The following CDH18 variants were observed in gnomAD, a reference collection of about 807,000 sequenced individuals.
The protein encoded by CDH18 is cadherin 18, also known as cadherin-18.
A neutral mutation model predicts 67.9 loss-of-function variants in CDH18; 31 were observed. The ratio of observed to expected loss-of-function variants is 0.46; its 90% CI spans 0.34 to 0.62. The LOEUF is 0.62. CDH18 is among the 20% of genes least tolerant of loss of function. The probability of loss-of-function intolerance (pLI) is 0.01; values close to 1 mark genes in which losing one functional copy is unlikely to be tolerated. For synonymous variants in CDH18, 362 were observed against 347.2 expected (o/e 1.04, Z -0.48); for missense variants, 890 against 975.5 (o/e 0.91, Z 1.17).
At chr5:20,009,106 G>A (rs1391997985) in intron 2 of CDH18, among the ~76,000 whole-genome samples, 2 of 152,058 alleles carry the variant, frequency 1.3e-5, no homozygotes, top group Non-Finnish European at 2.9e-5. Context: ...CTTGATAATA[G>A]AATGAAATTT....
chr5:19,833,365 G>A (rs1446172360), intron 3 of CDH18, among the ~76,000 whole-genome samples: 2 of 152,032 alleles, frequency 1.3e-5, no homozygotes, highest in Non-Finnish European at 1.5e-5. Context: ...TTTGCATATC[G>A]ATTTTGTATC....
chr5:19,832,118 AG>A (rs1781104402), intron 3 of CDH18, among the ~76,000 whole-genome samples: 1 of 152,068 alleles, frequency 6.6e-6, no homozygotes, highest in Non-Finnish European at 1.5e-5. Flanking sequence ...TGAAGTAGAA[AG>A]GGGAGGAAGG....
chr5:19,620,199 G>C (rs1385875624), intron 5 of CDH18, among the ~76,000 whole-genome samples: 1 of 152,174 alleles, frequency 6.6e-6, no homozygotes. Context: ...TGGTGAAGTA[G>C]TTTATTTCTG....
intron 1 of CDH18, among the ~76,000 whole-genome samples, chr5:20,392,548 T>C (rs778959539): frequency 6.6e-6 from 1 of 151,892 alleles, no homozygotes; most frequent in Non-Finnish European, 1.5e-5. Flanking sequence ...GAAGAGACAG[T>C]GAATATTATT....
At chr5:19,821,183 A>G (rs900159852) in intron 3 of CDH18, among the ~76,000 whole-genome samples, 1 of 152,148 alleles carries the variant, frequency 6.6e-6, no homozygotes, top group Non-Finnish European at 1.5e-5. Context: ...GAGAAAGTTG[A>G]AACCCAATCC....
intron 5 of CDH18, among the ~76,000 whole-genome samples, chr5:19,684,759 T>C (rs1192351964): frequency 1.3e-5 from 2 of 152,032 alleles, no homozygotes; most frequent in Admixed American, 6.6e-5. Flanking sequence ...GAATATTGCC[T>C]TAAAGAATAA....
intron 1 of CDH18, among the ~76,000 whole-genome samples, chr5:20,351,570 T>C (rs1741188013): frequency 7.6e-6 from 1 of 130,822 alleles, no homozygotes; most frequent in African/African-American, 2.9e-5. Flanking sequence ...CCATACAGTA[T>C]CACCATGTAA....
intron 2 of CDH18, among the ~76,000 whole-genome samples, chr5:19,905,139 T>G (rs1394385173): frequency 6.6e-6 from 1 of 152,086 alleles, no homozygotes; most frequent in Non-Finnish European, 1.5e-5. Context: ...AAAATGAAGT[T>G]CAAGCATTCC....
chr5:20,511,154 G>A (rs993139328), intron 1 of CDH18, among the ~76,000 whole-genome samples: 1 of 151,946 alleles, frequency 6.6e-6, no homozygotes, highest in African/African-American at 2.4e-5. Flanking sequence ...ACATTAAAAA[G>A]AATTTGCATG....
rs137924234 is a variant in CDH18, at chr5:19,878,426, G to A, written c.-256-39184C>T. ...ACACAAACAATTGTTAGGAACTTAGGCAATAGATCTTTTCATGCTGCCCTG... is the reference window on the plus strand; with the variant it reads ...ACACAAACAATTGTTAGGAACTTAGACAATAGATCTTTTCATGCTGCCCTG... On this transcript the variant is annotated intron_variant, in intron 2 of 12. Coordinates refer to ENST00000382275, the MANE Select transcript of CDH18 (RefSeq NM_004934.5). 6.7e-4 allele frequency among the ~76,000 whole-genome samples: 102 copies of A among 152,176 alleles called. 2 individuals carry two copies. Among genetic ancestry groups the A allele is most frequent in the Middle Eastern group, 3.4e-3 (1 of 294 alleles).
At chr5:19,702,983 C>T (rs1242994512) in intron 5 of CDH18, among the ~76,000 whole-genome samples, 1 of 152,168 alleles carries the variant, frequency 6.6e-6, no homozygotes, top group African/African-American at 2.4e-5. Context: ...CCTTTGTTTC[C>T]TGTTTTAGTT....
At chr5:20,206,649 C>T (rs1739914552) in intron 2 of CDH18, among the ~76,000 whole-genome samples, 1 of 151,598 alleles carries the variant, frequency 6.6e-6, no homozygotes, top group African/African-American at 2.4e-5. Flanking sequence ...GGGGTTCATC[C>T]CAGGATAAGT....
intron 3 of CDH18, among the ~76,000 whole-genome samples, chr5:19,828,233 G>A (rs1780622366): frequency 6.6e-6 from 1 of 151,988 alleles, no homozygotes; most frequent in South Asian, 2.1e-4. Context: ...AGTAATAAGA[G>A]TCTTACCAAC....
chr5:20,339,637 C>A (rs1740085997), intron 1 of CDH18, among the ~76,000 whole-genome samples: 1 of 152,100 alleles, frequency 6.6e-6, no homozygotes, highest in Non-Finnish European at 1.5e-5. Flanking sequence ...TCTAGGAACC[C>A]TCTTTTTAGG....
intron 2 of CDH18, among the ~76,000 whole-genome samples, chr5:20,073,317 G>C (rs567551351): frequency 6.6e-6 from 1 of 151,898 alleles, no homozygotes; most frequent in Non-Finnish European, 1.5e-5. Flanking sequence ...CATTGTGGGG[G>C]TTAGTGGGTG....
chr5:19,836,961 T>C (rs1781716850), intron 3 of CDH18, among the ~76,000 whole-genome samples: 1 of 152,180 alleles, frequency 6.6e-6, no homozygotes, highest in African/African-American at 2.4e-5. Flanking sequence ...CTTGCACACC[T>C]ATGTTTATTG....
At chr5:20,564,272 ATTTATTTAT>A in intron 1 of CDH18, among the ~76,000 whole-genome samples, 1 of 149,276 alleles carries the variant, frequency 6.7e-6, no homozygotes, top group Middle Eastern at 3.5e-3. Context: ...TTATTTATTT[ATTTATTTAT>A]TTATTTATTT....
At chr5:19,982,899 C>T (rs1023315745) in intron 1 of CDH18, among the ~76,000 whole-genome samples, 1 of 151,822 alleles carries the variant, frequency 6.6e-6, no homozygotes, top group African/African-American at 2.4e-5. Flanking sequence ...AAAAAATTAG[C>T]CGGGCTTGGT....
At chr5:19,588,584 C>T (rs1692768638) in intron 7 of CDH18, among the ~76,000 whole-genome samples, 1 of 151,740 alleles carries the variant, frequency 6.6e-6, no homozygotes, top group African/African-American at 2.4e-5. Flanking sequence ...GGCTAAACCC[C>T]CCAATAAAAA....
Sources: gnomAD v4.1 joint callset for allele counts (sites outside exome capture counted in the v4.1 genomes callset) on GRCh38, gnomAD v4.1.1 for gene constraint, MANE v1.5 for transcripts, NCBI Gene and HGNC (gene_info 2026-07-23, HGNC 2026-07-21) for gene names.